Variants in SLAIN2 observed in about 807,000 individuals in gnomAD.
SLAIN2 encodes SLAIN family member 2.
A neutral mutation model predicts 56.6 loss-of-function variants in SLAIN2; 31 were observed. The observed-to-expected ratio is 0.55, with a 90% confidence interval of 0.41 to 0.74. The LOEUF (loss-of-function observed/expected upper bound fraction) is 0.74, where lower values mean the gene tolerates loss of function less well. SLAIN2 is among the 30% of genes least tolerant of loss of function. The probability of loss-of-function intolerance (pLI) is 0.00; values close to 1 mark genes in which losing one functional copy is unlikely to be tolerated. For synonymous variants in SLAIN2, 317 were observed against 284.9 expected, an observed-to-expected ratio of 1.11 and a Z score of -1.13; for missense variants, 777 against 754.2, an observed-to-expected ratio of 1.03 and a Z score of -0.35.
intron 6 of SLAIN2, chr4:48,394,653 G>C: frequency 6.5e-7 from 1 of 1,535,580 alleles, no homozygotes; most frequent in Non-Finnish European, 8.7e-7. Context: ...TACAAAAAGA[G>C]GTAACTACAG....
chr4:48,365,514 C>G (rs1482009441), intron 1 of SLAIN2, among the ~76,000 whole-genome samples: 1 of 149,004 alleles, frequency 6.7e-6, no homozygotes, highest in Non-Finnish European at 1.5e-5. Flanking sequence ...CTGATTTCTA[C>G]TTTAATCTTT....
intron 6 of SLAIN2, among the ~76,000 whole-genome samples, chr4:48,393,445 C>G (rs554210745): frequency 2.0e-5 from 3 of 150,610 alleles, no homozygotes; most frequent in African/African-American, 7.3e-5. Flanking sequence ...CCCTGTGCTG[C>G]CCAGGCTGAT....
At chr4:48,386,503 C>G (rs1186614598) in intron 6 of SLAIN2, among the ~76,000 whole-genome samples, 1 of 152,140 alleles carries the variant, frequency 6.6e-6, no homozygotes, top group Non-Finnish European at 1.5e-5. Context: ...TCCATTTTTC[C>G]TAAGATTTAA....
chr4:48,380,710 T>C (rs1461888167), intron 4 of SLAIN2, among the ~76,000 whole-genome samples: 1 of 152,132 alleles, frequency 6.6e-6, no homozygotes, highest in African/African-American at 2.4e-5. Flanking sequence ...TCTAAAGCAA[T>C]CTCTTCAACC....
chr4:48,411,727 A>G (rs1040977826), intron 6 of SLAIN2, among the ~76,000 whole-genome samples: 19 of 151,976 alleles, frequency 1.3e-4, no homozygotes, highest in Non-Finnish European at 7.4e-5. Context: ...CTCACTCACT[A>G]TTGGAGTATG....
At chr4:48,342,653 C>T (rs1468961276) in intron 1 of SLAIN2, among the ~76,000 whole-genome samples, 2 of 145,630 alleles carry the variant, frequency 1.4e-5, no homozygotes, top group Non-Finnish European at 3.0e-5. Context: ...TCAGCACTCC[C>T]CTTTGGGTAG....
intron 6 of SLAIN2, among the ~76,000 whole-genome samples, chr4:48,400,032 G>A (rs1234315262): frequency 6.6e-6 from 1 of 152,082 alleles, no homozygotes; most frequent in African/African-American, 2.4e-5. Flanking sequence ...GAGTTAGAGA[G>A]GAGTCTCTCC....
chr4:48,376,403 C>T (rs1399048371), intron 2 of SLAIN2, among the ~76,000 whole-genome samples: 3 of 146,170 alleles, frequency 2.1e-5, no homozygotes, highest in Non-Finnish European at 4.5e-5. Flanking sequence ...TACAGTGAGC[C>T]GAAATCACGC....
At chr4:48,383,068 T>G (rs780537465) in intron 5 of SLAIN2, 141 bp downstream of exon 5, 113 of 888,044 alleles carry the variant, frequency 1.3e-4, no homozygotes, top group Non-Finnish European at 9.0e-5. Context: ...CTTGAGAGGC[T>G]GAGGCTGGAG....
chr4:48,359,429 T>A (rs1715256658), intron 1 of SLAIN2, among the ~76,000 whole-genome samples: 1 of 152,244 alleles, frequency 6.6e-6, no homozygotes, highest in South Asian at 2.1e-4. Context: ...GTCCTTGGCT[T>A]CAGTAGCCTA....
intron 1 of SLAIN2, among the ~76,000 whole-genome samples, chr4:48,357,025 C>A (rs1430288845): frequency 6.6e-6 from 1 of 151,782 alleles, no homozygotes; most frequent in Non-Finnish European, 1.5e-5. Flanking sequence ...TAGCTCTGTT[C>A]TAAAACTTTA....
At chr4:48,363,718 C>T (rs1164475004) in intron 1 of SLAIN2, among the ~76,000 whole-genome samples, 8 of 121,194 alleles carry the variant, frequency 6.6e-5, no homozygotes, top group African/African-American at 2.3e-4. Flanking sequence ...CCTCACCTCC[C>T]AGACGGGGCG....
In SLAIN2 at chr4:48,423,156, G is replaced by C. The variant is rs1162248766; in HGVS notation, c.*1079G>C. 6.6e-6 allele frequency: 1 copy of C among 152,116 alleles called. No individual in the cohort carries two copies. The highest frequency in any genetic ancestry group is 2.4e-5 in the African/African-American group (1 of 41,428). The allele number at this position is 152,116 out of a possible 1,614,324, so 9.4% of individuals were successfully genotyped here. A position where few individuals can be genotyped will look rare whatever the true frequency, so the allele number is the denominator to read the frequency against. On this transcript the variant is annotated 3_prime_UTR_variant, in exon 8 of 8. Coordinates refer to ENST00000264313, the MANE Select transcript of SLAIN2 (RefSeq NM_020846.2). ...GTCTATTATGTGGTAGGAAAATATA[G>C]CCTGCTAAATCCTACTTAAGTTGAT...
rs1472720123 is a variant in SLAIN2 at position 48,425,255 on chromosome 4, A to C, written c.*3178A>C. On this transcript the variant is annotated 3_prime_UTR_variant, in exon 8 of 8. Coordinates refer to ENST00000264313, the MANE Select transcript of SLAIN2 (RefSeq NM_020846.2). ...TGAAGGAAATTTACAGTTTACTCTA[A>C]ATTGATTTGTTCTTGGAACTTTTTT... 6.6e-6 allele frequency: 1 copy of C among 152,066 alleles called. No individual in the cohort carries two copies. The highest frequency in any genetic ancestry group is 6.5e-5 in the Admixed American group (1 of 15,268). 9.4% of individuals were successfully genotyped at this position (152,066 alleles called of 1,614,324 possible). A position where few individuals can be genotyped will look rare whatever the true frequency, so the allele number is the denominator to read the frequency against.
intron 1 of SLAIN2, among the ~76,000 whole-genome samples, chr4:48,363,704 C>T (rs1715406671): frequency 3.4e-5 from 4 of 119,036 alleles, no homozygotes; most frequent in Middle Eastern, 6.0e-3. Flanking sequence ...CGGGCAGAGG[C>T]GCCCCTCACC....
intron 6 of SLAIN2, among the ~76,000 whole-genome samples, chr4:48,411,138 G>A (rs1427412809): frequency 6.6e-6 from 1 of 152,124 alleles, no homozygotes; most frequent in Non-Finnish European, 1.5e-5. Context: ...GGGATGACTG[G>A]ATGAGAGGGA....
chr4:48,342,840 C>T (rs1332098127), intron 1 of SLAIN2, among the ~76,000 whole-genome samples: 1 of 146,684 alleles, frequency 6.8e-6, no homozygotes, highest in Admixed American at 7.1e-5. Context: ...ACAGTTATCA[C>T]ATCCATCTTT....
chr4:48,364,657 C>T (rs1715457811), intron 1 of SLAIN2, among the ~76,000 whole-genome samples: 2 of 118,568 alleles, frequency 1.7e-5, no homozygotes, highest in African/African-American at 5.9e-5. Context: ...GCGGATCACT[C>T]GCGGTTAGGG....
Position 48,423,734 on chromosome 4 carries a change from T to A in SLAIN2, c.*1657T>A, listed in dbSNP as rs1717223163. Reference sequence around the variant, plus strand: ...AGCAGCTGGAGATTTAAACTGCCAGTACTATGTATTTGGTGTATAATGCAA... The same window carrying A: ...AGCAGCTGGAGATTTAAACTGCCAGAACTATGTATTTGGTGTATAATGCAA... On this transcript the variant is annotated 3_prime_UTR_variant, in exon 8 of 8. Transcript: ENST00000264313. 1 of 152,182 alleles carries A rather than the reference T, an allele frequency of 6.6e-6. No homozygotes were observed. Among genetic ancestry groups the A allele is most frequent in the Non-Finnish European group, 1.5e-5 (1 of 68,026 alleles). 9.4% of individuals were successfully genotyped at this position (152,182 alleles called of 1,614,324 possible).
Sources: allele counts gnomAD v4.1 joint callset (sites outside exome capture counted in the v4.1 genomes callset), GRCh38; gene constraint gnomAD v4.1.1; transcripts MANE v1.5; gene names NCBI Gene and HGNC (gene_info 2026-07-23, HGNC 2026-07-21).